NIPBL: variants seen among roughly 807,000 people sequenced by gnomAD.
NIPBL encodes NIPBL cohesin loading factor, also known as nipped-B-like protein.
NIPBL carries 19 observed loss-of-function variants against 321.8 expected under a neutral mutation model. The observed-to-expected ratio is 0.06, with a 90% CI of 0.04 to 0.09. The LOEUF (loss-of-function observed/expected upper bound fraction) is 0.09, where lower values mean the gene tolerates loss of function less well. Among genes scored for constraint, NIPBL ranks in the 10% least tolerant of loss-of-function variants. The probability of loss-of-function intolerance (pLI) is 1.00; values close to 1 mark genes in which losing one functional copy is unlikely to be tolerated. For missense variants in NIPBL, 2,210 were observed against 3,327.0 expected (o/e 0.66, Z 8.26); for synonymous variants, 1,106 against 1,114.1 (o/e 0.99, Z 0.14).
intron 1 of NIPBL, among the ~76,000 whole-genome samples, chr5:36,926,926 TA>T (rs1288377420): frequency 6.6e-6 from 1 of 152,176 alleles, no homozygotes; most frequent in African/African-American, 2.4e-5. Flanking sequence ...GGAACAAATT[TA>T]AACAGTTATT....
At position 36,942,860 on chromosome 5, in the gene NIPBL, A is replaced by G. The variant is rs565085395; in HGVS notation, c.-79-10758A>G. On this transcript the variant is annotated intron_variant, in intron 1 of 46. Transcript: ENST00000282516. ...ACTGTTTTCTGAGTTTTTGAAACCA[A>G]TTGCACAAATACAGCGCAAGGGAAA... 1.1e-4 allele frequency among the ~76,000 whole-genome samples: 16 copies of G among 152,232 alleles called. 1 individual carries two copies. The highest frequency in any genetic ancestry group is 8.3e-4 in the South Asian group (4 of 4,828).
chr5:36,898,039 C>T (rs531388190), intron 1 of NIPBL, among the ~76,000 whole-genome samples: 10 of 152,082 alleles, frequency 6.6e-5, no homozygotes, highest in Admixed American at 4.6e-4. Flanking sequence ...TATTATTCCT[C>T]AAGTTCAAAC....
intron 1 of NIPBL, among the ~76,000 whole-genome samples, chr5:36,950,909 T>C (rs1345997690): frequency 6.7e-6 from 1 of 148,798 alleles, no homozygotes; most frequent in African/African-American, 2.5e-5. Flanking sequence ...CACAGATTAC[T>C]TACATTTATT....
Position 36,930,979 on chromosome 5 carries a change from G to A in NIPBL, c.-79-22639G>A, listed in dbSNP as rs147433883. Among the ~76,000 whole-genome samples the A allele has an allele frequency of 1.5e-3, 228 of 152,214 alleles. 1 individual carries two copies. The highest frequency in any genetic ancestry group is 5.1e-3 in the African/African-American group (210 of 41,548). On this transcript the variant is annotated intron_variant, in intron 1 of 46. Transcript: ENST00000282516. ...TAATTTTTGTATGTGTGTTCATGAG[G>A]GATATTGGTCTGTAGTTTTCTTGCA...
chr5:37,048,813 T>TTTAGC, intron 39 of NIPBL, 138 bp downstream of exon 39: 1 of 750,510 alleles, frequency 1.3e-6, no homozygotes, highest in Middle Eastern at 3.8e-4. Flanking sequence ...TGCTGAGGTC[T>TTTAGC]ATAGCTGGGC....
At chr5:36,924,515 A>G (rs953740459) in intron 1 of NIPBL, among the ~76,000 whole-genome samples, 3 of 152,142 alleles carry the variant, frequency 2.0e-5, no homozygotes, top group Non-Finnish European at 2.9e-5. Context: ...TTCCATTTCT[A>G]TAATAGTTTG....
rs993003986 is a variant in NIPBL, at chr5:37,065,769, C to G, written c.*877C>G. ...TAACTATATATGATTTAGCACTGTGCCAAACACATTTTCAAGAGTACATTT... is the reference window on the plus strand; with the variant it reads ...TAACTATATATGATTTAGCACTGTGGCAAACACATTTTCAAGAGTACATTT... On this transcript the variant is annotated 3_prime_UTR_variant, in exon 47 of 47. Transcript: ENST00000282516. 2.0e-5 allele frequency: 3 copies of G among 152,494 alleles called. No homozygotes were observed. Among genetic ancestry groups the G allele is most frequent in the African/African-American group, 7.2e-5 (3 of 41,430 alleles). The allele number at this position is 152,494 out of a possible 1,614,324, so 9.4% of individuals were successfully genotyped here.
intron 1 of NIPBL, among the ~76,000 whole-genome samples, chr5:36,913,451 C>A (rs1260672477): frequency 6.6e-6 from 1 of 150,414 alleles, no homozygotes; most frequent in Non-Finnish European, 1.5e-5. Context: ...AGTGCAGTGG[C>A]ATGATTACAG....
chr5:36,972,215 T>G (rs944175515), intron 8 of NIPBL, among the ~76,000 whole-genome samples, 174 bp downstream of exon 8: 1 of 152,156 alleles, frequency 6.6e-6, no homozygotes, highest in African/African-American at 2.4e-5. Flanking sequence ...CTGTCCCTAT[T>G]CATTGATTCA....
chr5:36,904,276 C>T (rs1747457472), intron 1 of NIPBL, among the ~76,000 whole-genome samples: 1 of 152,230 alleles, frequency 6.6e-6, no homozygotes, highest in Non-Finnish European at 1.5e-5. Flanking sequence ...TGAGCCCAGC[C>T]TGGCCAACGT....
chr5:36,951,283 C>T lies in NIPBL; in HGVS notation c.-79-2335C>T, dbSNP rs189368979. Among the ~76,000 whole-genome samples, 189 of 152,248 alleles carry T rather than the reference C, an allele frequency of 1.2e-3. 2 individuals carry two copies. The highest frequency in any genetic ancestry group is 4.3e-3 in the African/African-American group (177 of 41,556). On this transcript the variant is annotated intron_variant, in intron 1 of 46. Coordinates refer to ENST00000282516, the MANE Select transcript of NIPBL (RefSeq NM_133433.4). ...GGGGTTGGATCTGCTCTATTTGTTA[C>T]TCACCTGGGACTTAAGAAAACAGTC... is the stretch of plus-strand genomic sequence containing the variant.
intron 1 of NIPBL, among the ~76,000 whole-genome samples, chr5:36,918,789 G>A (rs901806324): frequency 6.6e-6 from 1 of 152,022 alleles, no homozygotes; most frequent in Non-Finnish European, 1.5e-5. Context: ...TAATCATGTG[G>A]TTTTTGTCTT....
At chr5:36,903,592 C>A (rs1181541747) in intron 1 of NIPBL, among the ~76,000 whole-genome samples, 3 of 152,076 alleles carry the variant, frequency 2.0e-5, no homozygotes, top group Admixed American at 2.0e-4. Context: ...TGATTTCTGG[C>A]ACTTGGTGGG....
chr5:36,883,269 A>G (rs1745639913), intron 1 of NIPBL, among the ~76,000 whole-genome samples: 1 of 151,978 alleles, frequency 6.6e-6, no homozygotes, highest in African/African-American at 2.4e-5. Context: ...TAACATGCAT[A>G]TACCAATTTC....
rs1038922067 is a variant in NIPBL, at chr5:36,936,844, GA to G, written c.-79-16762del. Among the ~76,000 whole-genome samples, 423 of 141,512 alleles carry G rather than the reference GA, an allele frequency of 3.0e-3. 2 individuals are homozygous for G. The highest frequency in any genetic ancestry group is 8.2e-3 in the African/African-American group (319 of 38,830). The allele number at this position is 141,512 out of a possible 152,430, so 92.8% of individuals were successfully genotyped here. A position where few individuals can be genotyped will look rare whatever the true frequency, so the allele number is the denominator to read the frequency against. On this transcript the variant is annotated intron_variant, in intron 1 of 46. Coordinates refer to ENST00000282516, the MANE Select transcript of NIPBL (RefSeq NM_133433.4). The stretch of plus-strand genomic sequence containing the variant: ...ATTGGATTATATTGAAGATTAAATG[GA>G]AAAAAAAAAAAGTAAAACAACTAGC...
At chr5:36,897,591 C>T (rs1050544733) in intron 1 of NIPBL, among the ~76,000 whole-genome samples, 1 of 152,070 alleles carries the variant, frequency 6.6e-6, no homozygotes, top group Non-Finnish European at 1.5e-5. Context: ...AAAGTAAGAT[C>T]AGACAACTCA....
intron 1 of NIPBL, among the ~76,000 whole-genome samples, chr5:36,891,196 C>T (rs1426660869): frequency 6.6e-6 from 1 of 152,014 alleles, no homozygotes; most frequent in Non-Finnish European, 1.5e-5. Flanking sequence ...ACCCGGGAGG[C>T]AGAGCTTGCA....
chr5:36,901,645 G>T (rs2149534891), intron 1 of NIPBL, among the ~76,000 whole-genome samples: 1 of 151,918 alleles, frequency 6.6e-6, no homozygotes, highest in Admixed American at 6.6e-5. Flanking sequence ...AAGTAGCGGG[G>T]ATTACAGGCG....
rs72736713 is a variant in NIPBL at position 37,026,151 on chromosome 5, G to A, written c.5710-78G>A. ...GATTAGTTATTTATAGCTTTGTGTTGGGCCTAATGAGAATTTGGAATTGTG... is the reference window on the plus strand; with the variant it reads ...GATTAGTTATTTATAGCTTTGTGTTAGGCCTAATGAGAATTTGGAATTGTG... On this transcript the variant is annotated intron_variant, in intron 30 of 46. Transcript: ENST00000282516. 16,497 of 790,090 alleles carry A rather than the reference G, an allele frequency of 0.021. 248 individuals are homozygous for A. The highest frequency in any genetic ancestry group is 0.051 in the Middle Eastern group (199 of 3,880). 48.9% of individuals were successfully genotyped at this position (790,090 alleles called of 1,614,324 possible).
Sources: allele counts gnomAD v4.1 joint callset (sites outside exome capture counted in the v4.1 genomes callset), GRCh38; gene constraint gnomAD v4.1.1; transcripts MANE v1.5; gene names NCBI Gene and HGNC (gene_info 2026-07-23, HGNC 2026-07-21).